Variants in KIF1B observed in about 807,000 individuals in gnomAD.
KIF1B encodes kinesin-like protein KIF1B.
KIF1B carries 76 observed loss-of-function variants against 241.9 expected under a neutral mutation model. The ratio of observed to expected loss-of-function variants is 0.31; its 90% CI spans 0.26 to 0.38. The LOEUF (loss-of-function observed/expected upper bound fraction) is 0.38. KIF1B is among the 10% of genes least tolerant of loss of function. The pLI, the probability that KIF1B is intolerant of heterozygous loss-of-function variation, is 1.00. For synonymous variants in KIF1B, 750 were observed against 796.7 expected, an observed-to-expected ratio of 0.94 and a Z score of 0.99; for missense variants, 1,622 against 2,271.4, an observed-to-expected ratio of 0.71 and a Z score of 5.81.
intron 2 of KIF1B, among the ~76,000 whole-genome samples, chr1:10,243,233 A>G (rs1647162925): frequency 6.6e-6 from 1 of 152,082 alleles, no homozygotes. Flanking sequence ...ACTGGCCAAC[A>G]TGGTGAAGCC....
chr1:10,353,714 T>C (rs1652879363), intron 38 of KIF1B, among the ~76,000 whole-genome samples: 2 of 152,320 alleles, frequency 1.3e-5, no homozygotes, highest in African/African-American at 2.4e-5. Context: ...TATTATAGTT[T>C]ACCATAGGAA....
intron 22 of KIF1B, among the ~76,000 whole-genome samples, chr1:10,310,715 A>G (rs971375727): frequency 1.3e-5 from 2 of 151,544 alleles, no homozygotes; most frequent in Non-Finnish European, 2.9e-5. Flanking sequence ...TAAGTGACAA[A>G]TGTGTGGTCC....
intron 15 of KIF1B, among the ~76,000 whole-genome samples, chr1:10,289,762 C>T (rs924204842): frequency 6.6e-6 from 1 of 152,046 alleles, no homozygotes; most frequent in African/African-American, 2.4e-5. Context: ...TGTGCACCTG[C>T]AGTGCCAGCT....
chr1:10,317,146 G>A (rs988878264), intron 22 of KIF1B, among the ~76,000 whole-genome samples: 8 of 151,690 alleles, frequency 5.3e-5, no homozygotes, highest in Admixed American at 4.6e-4. Flanking sequence ...CTTTAGCCTC[G>A]AGTAGCTGAA....
At chr1:10,267,683 C>A in intron 6 of KIF1B, 125 bp downstream of exon 6, 1 of 821,918 alleles carries the variant, frequency 1.2e-6, no homozygotes, top group Non-Finnish European at 2.1e-6. Context: ...GTCCTCTGAT[C>A]CTTTGACTGT....
chr1:10,313,889 T>A (rs1651189945), intron 22 of KIF1B, among the ~76,000 whole-genome samples: 1 of 149,028 alleles, frequency 6.7e-6, no homozygotes, highest in Non-Finnish European at 1.5e-5. Flanking sequence ...ACTGAAAAAA[T>A]TATTATTATT....
chr1:10,374,710 C>T lies in KIF1B; in HGVS notation c.5097-144C>T, dbSNP rs928628430. 8 of 936,564 alleles carry T rather than the reference C, an allele frequency of 8.5e-6. No homozygotes were observed. The highest frequency in any genetic ancestry group is 4.9e-5 in the African/African-American group (3 of 60,978). 58.0% of individuals were successfully genotyped at this position (936,564 alleles called of 1,614,324 possible). On this transcript the variant is annotated intron_variant, in intron 46 of 48. Coordinates refer to ENST00000676179, the MANE Select transcript of KIF1B (RefSeq NM_001365951.3). The surrounding 1 kb of genome is among the most constrained non-coding windows in gnomAD (Gnocchi z 4.3). ...TTTCGCTTTTGCCGTATTACTTTGGCAGATAAGATTCTAGGCCAAATAGGT... is the reference window on the plus strand; with the variant it reads ...TTTCGCTTTTGCCGTATTACTTTGGTAGATAAGATTCTAGGCCAAATAGGT...
At chr1:10,264,790 A>G (rs1648355842) in intron 5 of KIF1B, among the ~76,000 whole-genome samples, 1 of 150,376 alleles carries the variant, frequency 6.6e-6, no homozygotes, top group African/African-American at 2.4e-5. Context: ...GCCTCCCGAG[A>G]GGCTGGGATT....
Position 10,211,146 on chromosome 1 carries a change from C to T in KIF1B, c.-80+268C>T, listed in dbSNP as rs1472032416. Among the ~76,000 whole-genome samples the T allele has an allele frequency of 5.3e-5, 8 of 152,298 alleles. No homozygotes were observed. The South Asian group carries it at 6.2e-4, about 12-fold the overall frequency. ...CCGTTTCCCCCGCGCTGCCAGGCCC[C>T]GGCTGTGCCCAGCGCTCTCCAGACC... is the stretch of plus-strand genomic sequence containing the variant. On this transcript the variant is annotated intron_variant, in intron 1 of 48. Coordinates refer to ENST00000676179, the MANE Select transcript of KIF1B (RefSeq NM_001365951.3).
At chr1:10,215,172 A>ATT (rs1166683802) in intron 1 of KIF1B, among the ~76,000 whole-genome samples, 526 of 45,334 alleles carry the variant, frequency 0.012, 11 homozygotes, top group East Asian at 0.029. Flanking sequence ...ATATATATAT[A>ATT]TTTTTTTTTT....
At chr1:10,268,041 A>G in intron 6 of KIF1B, 111 bp from the exon 7 acceptor site, 1 of 763,712 alleles carries the variant, frequency 1.3e-6, no homozygotes, top group Non-Finnish European at 2.3e-6. Context: ...TCTGTGAATA[A>G]GTTTAAGACT....
Position 10,342,011 on chromosome 1 carries a change from ATTTTC to A in KIF1B, c.3514-36_3514-32del, listed in dbSNP as rs762654806. 1.9e-5 allele frequency: 26 copies of A among 1,340,778 alleles called. No homozygotes were observed. In the East Asian group the frequency reaches 5.7e-4, roughly 30 times the overall value. The allele number at this position is 1,340,778 out of a possible 1,614,324, so 83.1% of individuals were successfully genotyped here. A position where few individuals can be genotyped will look rare whatever the true frequency, so the allele number is the denominator to read the frequency against. On this transcript the variant is annotated intron_variant, in intron 32 of 48. Transcript: ENST00000676179. ...AGTTCTGATTGAAGCAAAAATGTGT[ATTTTC>A]TTGTAATCTTTTCCTAATCTTGCTT... is the stretch of plus-strand genomic sequence containing the variant.
chr1:10,352,494 A>G (rs1438064227), intron 37 of KIF1B, 137 bp from the exon 38 acceptor site: 1 of 707,884 alleles, frequency 1.4e-6, no homozygotes, highest in Non-Finnish European at 2.6e-6. Context: ...CAGACCGTGG[A>G]GGACCCTACA....
intron 3 of KIF1B, among the ~76,000 whole-genome samples, chr1:10,256,629 T>C (rs1400302756): frequency 6.6e-6 from 1 of 151,644 alleles, no homozygotes; most frequent in Non-Finnish European, 1.5e-5. Context: ...TGAGGATTTA[T>C]TTATCAGTAT....
chr1:10,306,174 G>A (rs1370757715), intron 22 of KIF1B: 2 of 1,038,814 alleles, frequency 1.9e-6, no homozygotes, highest in African/African-American at 1.7e-5. Context: ...CCCTTAAAAA[G>A]AGAAGCTTTG....
chr1:10,255,284 C>T (rs1277924389), intron 2 of KIF1B, among the ~76,000 whole-genome samples: 1 of 152,028 alleles, frequency 6.6e-6, no homozygotes, highest in Non-Finnish European at 1.5e-5. Context: ...CAGGGCTTAA[C>T]GGGTGCCTTG....
rs375793973 is a variant in KIF1B at position 10,304,446 on chromosome 1, C to G, written c.2115+7200C>G. ...ACCCCACTGCTGATGTACAGACTTT[C>G]CAGGCAAAGCGCCATATTCATCAAC... On this transcript the variant is annotated intron_variant, in intron 22 of 48. Transcript: ENST00000676179. 7 of 1,611,454 alleles carry G rather than the reference C, an allele frequency of 4.3e-6. No homozygotes were observed. The East Asian group carries it at 1.6e-4, about 36-fold the overall frequency.
At chr1:10,298,036 G>C (rs764514519) in intron 22 of KIF1B, among the ~76,000 whole-genome samples, 3 of 152,172 alleles carry the variant, frequency 2.0e-5, no homozygotes, top group Admixed American at 6.5e-5. Flanking sequence ...CCATTAGTTA[G>C]ATTTTCATTT....
chr1:10,308,391 G>A (rs1473614925), intron 22 of KIF1B: 16 of 1,048,550 alleles, frequency 1.5e-5, no homozygotes, highest in African/African-American at 1.7e-5. Flanking sequence ...AATGTATTAG[G>A]TGTTGTCCCA....
Sources: gnomAD v4.1 joint callset for allele counts (sites outside exome capture counted in the v4.1 genomes callset) on GRCh38, gnomAD v4.1.1 for gene constraint, Gnocchi (gnomAD v3.1) non-coding constraint, MANE v1.5 for transcripts, NCBI Gene and HGNC (gene_info 2026-07-23, HGNC 2026-07-21) for gene names.